MYH14: variants seen among roughly 807,000 people sequenced by gnomAD.
MYH14 encodes myosin heavy chain 14, also known as myosin-14.
Under a neutral mutation model 255.5 loss-of-function variants are expected in MYH14, and 123 were observed. The ratio of observed to expected loss-of-function variants is 0.48; its 90% CI spans 0.42 to 0.56. The LOEUF is 0.56. Ranked by LOEUF, MYH14 falls within the 20% of genes least tolerant of loss-of-function variation. The pLI, the probability that MYH14 is intolerant of heterozygous loss-of-function variation, is 0.00. For synonymous variants in MYH14, 1,095 were observed against 1,161.2 expected, an observed-to-expected ratio of 0.94 and a Z score of 1.16; for missense variants, 2,423 against 2,802.3, an observed-to-expected ratio of 0.86 and a Z score of 3.06.
At chr19:50,306,990 G>T in intron 40 of MYH14, 59 bp from the exon 41 acceptor site, 1 of 1,258,468 alleles carries the variant, frequency 7.9e-7, no homozygotes, top group South Asian at 1.3e-5. Context: ...ATGAGTCTAT[G>T]GGGACAAAAT....
intron 39 of MYH14, among the ~76,000 whole-genome samples, chr19:50,296,758 G>A (rs1456556769): frequency 6.6e-6 from 1 of 152,248 alleles, no homozygotes; most frequent in African/African-American, 2.4e-5. Context: ...TCAAGAGCAC[G>A]TAGAAGTCAA....
intron 3 of MYH14, among the ~76,000 whole-genome samples, chr19:50,219,068 A>G (rs1411429864): frequency 1.4e-5 from 2 of 142,048 alleles, no homozygotes; most frequent in African/African-American, 5.0e-5. Context: ...ATATATATAT[A>G]TGAGTATTCC....
chr19:50,270,275 T>C (rs1225681618), intron 24 of MYH14, among the ~76,000 whole-genome samples: 2 of 151,728 alleles, frequency 1.3e-5, no homozygotes, highest in Non-Finnish European at 2.9e-5. Flanking sequence ...TCCCAATACT[T>C]TGGGAGGCCG....
intron 39 of MYH14, among the ~76,000 whole-genome samples, chr19:50,299,570 C>CAAAAAAA (rs4002409): frequency 1.7e-5 from 1 of 57,622 alleles, no homozygotes; most frequent in Admixed American, 2.7e-4. Flanking sequence ...GACTCCATCT[C>CAAAAAAA]AAAAAAAAAA....
intron 21 of MYH14, among the ~76,000 whole-genome samples, chr19:50,262,819 G>A (rs2034935306): frequency 6.6e-6 from 1 of 152,118 alleles, no homozygotes; most frequent in Non-Finnish European, 1.5e-5. Flanking sequence ...GGGAGCAGGG[G>A]GACGAACGGC....
chr19:50,289,193 G>T (rs1256132961), intron 34 of MYH14, among the ~76,000 whole-genome samples: 1 of 152,104 alleles, frequency 6.6e-6, no homozygotes, highest in African/African-American at 2.4e-5. Flanking sequence ...GGACTCTGAA[G>T]GGCTTCAGAT....
intron 1 of MYH14, among the ~76,000 whole-genome samples, chr19:50,207,934 A>G (rs977720289): frequency 2.0e-5 from 3 of 151,982 alleles, no homozygotes; most frequent in Admixed American, 6.6e-5. Flanking sequence ...GGACCTTTGC[A>G]CTGCTGTCTG....
At chr19:50,277,350 T>A (rs7260440) in intron 29 of MYH14, among the ~76,000 whole-genome samples, 16,773 of 152,024 alleles carry the variant, frequency 0.11, 2,122 homozygotes, top group African/African-American at 0.31. Context: ...ATGGTGGCTC[T>A]TGCCTGTAAC....
rs1357691301 is a variant in MYH14, at chr19:50,252,182, TG to T, written c.1831-451del. 1.2e-4 allele frequency among the ~76,000 whole-genome samples: 18 copies of T among 151,906 alleles called. No individual in the cohort carries two copies. Among genetic ancestry groups the T allele is most frequent in the Admixed American group, 1.1e-3 (17 of 15,252 alleles). ...CTGCCCTCGGGGGACCGCTGTCTGG[TG>T]GGGGGCACATATGCAGAGAATTGTA... On this transcript the variant is annotated intron_variant, in intron 15 of 42. Coordinates refer to ENST00000642316, the MANE Select transcript of MYH14 (RefSeq NM_001145809.2). The surrounding 1 kb of genome is among the most constrained non-coding windows in gnomAD (Gnocchi z 4.2).
chr19:50,289,200 A>T (rs899417827), intron 34 of MYH14, among the ~76,000 whole-genome samples: 8 of 152,226 alleles, frequency 5.3e-5, no homozygotes, highest in Non-Finnish European at 1.2e-4. Context: ...GAAGGGCTTC[A>T]GATAATAGAA....
Position 50,205,672 on chromosome 19 carries a change from C to T in MYH14, c.-4+2001C>T, listed in dbSNP as rs190135136. On this transcript the variant is annotated intron_variant, in intron 1 of 42. Transcript: ENST00000642316. ...GAAGGGGCCTTGGGGGCCGGCTGTC[C>T]CAGGTCTGAGGAAGGACTGCGCCGC... is the stretch of plus-strand genomic sequence containing the variant. 827 of 152,900 alleles carry T rather than the reference C, an allele frequency of 5.4e-3. 7 individuals carry two copies. The highest frequency in any genetic ancestry group is 0.016 in the African/African-American group (666 of 41,586). 9.5% of individuals were successfully genotyped at this position (152,900 alleles called of 1,614,324 possible).
intron 39 of MYH14, among the ~76,000 whole-genome samples, chr19:50,299,949 CAAACAA>C (rs2123474388): frequency 6.6e-6 from 1 of 151,848 alleles, no homozygotes; most frequent in East Asian, 1.9e-4. Flanking sequence ...TGTCTCAAAA[CAAACAA>C]AAACAAACAA....
At chr19:50,245,269 A>C (rs1299511861) in intron 11 of MYH14, among the ~76,000 whole-genome samples, 1 of 151,912 alleles carries the variant, frequency 6.6e-6, no homozygotes, top group Non-Finnish European at 1.5e-5. Context: ...AAATACAAAA[A>C]TTAACTGGGA....
intron 40 of MYH14, among the ~76,000 whole-genome samples, 190 bp from the exon 41 acceptor site, chr19:50,306,859 C>T (rs1395837608): frequency 6.6e-6 from 1 of 152,178 alleles, no homozygotes; most frequent in African/African-American, 2.4e-5. Flanking sequence ...AAGCCAAGGA[C>T]ATGGATGCCG....
intron 16 of MYH14, among the ~76,000 whole-genome samples, chr19:50,254,643 C>T (rs909239130): frequency 6.6e-6 from 1 of 152,286 alleles, no homozygotes; most frequent in Non-Finnish European, 1.5e-5. Flanking sequence ...CCTCCATAAT[C>T]CTCCTAAACA....
intron 10 of MYH14, among the ~76,000 whole-genome samples, chr19:50,236,478 G>A (rs1019550208): frequency 3.3e-5 from 5 of 152,154 alleles, no homozygotes; most frequent in Admixed American, 1.3e-4. Flanking sequence ...GGGAGGCCGA[G>A]GCAGGCGGAT....
At chr19:50,273,598 G>GT (rs755048739) in intron 27 of MYH14, among the ~76,000 whole-genome samples, 11 of 95,378 alleles carry the variant, frequency 1.2e-4, no homozygotes, top group Non-Finnish European at 1.9e-4. Flanking sequence ...ATGGAACATG[G>GT]GGGGTGTGTG....
chr19:50,260,467 C>T (rs1417602305), intron 19 of MYH14, among the ~76,000 whole-genome samples, 179 bp from the exon 20 acceptor site: 4 of 152,218 alleles, frequency 2.6e-5, no homozygotes, highest in Middle Eastern at 3.4e-3. Context: ...CGATCATTGT[C>T]GATGTTGCTG....
rs1250911586 is a variant in MYH14 at position 50,286,707 on chromosome 19, C to G, written c.4752+13C>G. On this transcript the variant is annotated intron_variant, in intron 34 of 42. Coordinates refer to ENST00000642316, the MANE Select transcript of MYH14 (RefSeq NM_001145809.2). Reference sequence around the variant, plus strand: ...CGTCGGCAAGAGCGTGAGCAGGGCCCCCGCTCCCCGGGACACACTGGGTGA... The same window carrying G: ...CGTCGGCAAGAGCGTGAGCAGGGCCGCCGCTCCCCGGGACACACTGGGTGA... The G allele has an allele frequency of 5.1e-6, 8 of 1,558,982 alleles. No homozygotes were observed. The highest frequency in any genetic ancestry group is 1.4e-5 in the African/African-American group (1 of 73,706).
Sources: gnomAD v4.1 joint callset for allele counts (sites outside exome capture counted in the v4.1 genomes callset) on GRCh38, gnomAD v4.1.1 for gene constraint, Gnocchi (gnomAD v3.1) non-coding constraint, MANE v1.5 for transcripts, NCBI Gene and HGNC (gene_info 2026-07-23, HGNC 2026-07-21) for gene names.